ORC3: variants seen among roughly 807,000 people sequenced by gnomAD.
ORC3 encodes homolog of latheo, Drosophila.
In ORC3, 78 loss-of-function variants were observed where a neutral mutation model predicts 100.7. The ratio of observed to expected loss-of-function variants is 0.77; its 90% CI spans 0.65 to 0.94. The LOEUF (loss-of-function observed/expected upper bound fraction) is 0.94, where lower values mean the gene tolerates loss of function less well. Ranked by LOEUF, ORC3 falls within the 40% of genes least tolerant of loss-of-function variation. The probability of loss-of-function intolerance (pLI) is 0.00; values close to 1 mark genes in which losing one functional copy is unlikely to be tolerated. For synonymous variants in ORC3, 295 were observed against 289.3 expected (o/e 1.02, Z -0.20); for missense variants, 789 against 823.9 (o/e 0.96, Z 0.52).
At chr6:87,656,649 G>T (rs560548172) in intron 14 of ORC3, among the ~76,000 whole-genome samples, 4 of 152,012 alleles carry the variant, frequency 2.6e-5, no homozygotes, top group Non-Finnish European at 5.9e-5. Context: ...TTGTTAGGTT[G>T]TATTTTGTTT....
chr6:87,641,964 A>G (rs1768292896), intron 13 of ORC3, among the ~76,000 whole-genome samples: 1 of 152,192 alleles, frequency 6.6e-6, no homozygotes. Flanking sequence ...GATGATGTAG[A>G]TTTATCCATC....
chr6:87,648,292 T>G (rs777973735), intron 13 of ORC3, among the ~76,000 whole-genome samples: 69 of 152,254 alleles, frequency 4.5e-4, no homozygotes, highest in Non-Finnish European at 4.4e-4. Context: ...AGTATTTTTC[T>G]GATATTACCC....
At chr6:87,619,055 T>C (rs1298441561) in intron 9 of ORC3, among the ~76,000 whole-genome samples, 1 of 152,136 alleles carries the variant, frequency 6.6e-6, no homozygotes, top group Non-Finnish European at 1.5e-5. Flanking sequence ...AATAATGTTA[T>C]GAGGATGAAA....
chr6:87,604,428 T>C (rs1009098599), intron 4 of ORC3, among the ~76,000 whole-genome samples: 8 of 152,206 alleles, frequency 5.3e-5, no homozygotes, highest in African/African-American at 1.9e-4. Flanking sequence ...CTCAAGGGAA[T>C]GATTTTTATT....
intron 18 of ORC3, 62 bp from the exon 19 acceptor site, chr6:87,665,692 T>C (rs1770538593): frequency 1.1e-6 from 1 of 896,250 alleles, no homozygotes; most frequent in Non-Finnish European, 1.8e-6. Flanking sequence ...AAAAGAAGTA[T>C]AGTAAAAGAT....
At chr6:87,616,610 C>CTCA (rs2128259620) in intron 9 of ORC3, among the ~76,000 whole-genome samples, 183 bp downstream of exon 9, 1 of 152,242 alleles carries the variant, frequency 6.6e-6, no homozygotes, top group East Asian at 1.9e-4. Flanking sequence ...AGAGAATGCA[C>CTCA]TCATTAGGAT....
chr6:87,590,719 GAGT>G (rs1304004080), intron 1 of ORC3, among the ~76,000 whole-genome samples: 1 of 152,214 alleles, frequency 6.6e-6, no homozygotes, highest in Non-Finnish European at 1.5e-5. Flanking sequence ...CCTGAAAAAT[GAGT>G]AGAAGTTAGG....
intron 13 of ORC3, among the ~76,000 whole-genome samples, chr6:87,639,564 C>T (rs888613543): frequency 1.3e-5 from 2 of 152,042 alleles, no homozygotes; most frequent in Non-Finnish European, 2.9e-5. Context: ...AAGTAGCTGC[C>T]CCAGCCCCTC....
chr6:87,600,905 A>G (rs4707379), intron 2 of ORC3, among the ~76,000 whole-genome samples: 92,627 of 152,124 alleles, frequency 0.61, 29,032 homozygotes, highest in African/African-American at 0.75. Context: ...AGGTTATGAT[A>G]TAAAGTGTAT....
intron 11 of ORC3, among the ~76,000 whole-genome samples, chr6:87,624,259 G>T (rs764398634): frequency 6.6e-6 from 1 of 152,060 alleles, no homozygotes; most frequent in Non-Finnish European, 1.5e-5. Flanking sequence ...TGAGGTGGAC[G>T]GATCACTTGA....
At chr6:87,664,544 A>G (rs1770449781) in intron 17 of ORC3, among the ~76,000 whole-genome samples, 199 bp from the exon 18 acceptor site, 1 of 152,188 alleles carries the variant, frequency 6.6e-6, no homozygotes, top group African/African-American at 2.4e-5. Context: ...TCTAGTGACT[A>G]AGAACTAGAG....
At position 87,597,710 on chromosome 6, in the gene ORC3, C is replaced by CAT. The variant is rs1208375189; in HGVS notation, c.79+3313_79+3314dup. ...ACACACACACACACACACACACACA[C>CAT]ATATATATATAATTTTTTTTTAAAA... On this transcript the variant is annotated intron_variant, in intron 2 of 19. Coordinates refer to ENST00000392844, the MANE Select transcript of ORC3 (RefSeq NM_012381.4). Among the ~76,000 whole-genome samples, 75 of 140,694 alleles carry CAT rather than the reference C, an allele frequency of 5.3e-4. 1 individual carries two copies. Among genetic ancestry groups the CAT allele is most frequent in the Admixed American group, 2.2e-3 (31 of 13,946 alleles). 92.3% of individuals were successfully genotyped at this position (140,694 alleles called of 152,430 possible). A position where few individuals can be genotyped will look rare whatever the true frequency, so the allele number is the denominator to read the frequency against.
intron 5 of ORC3, among the ~76,000 whole-genome samples, 198 bp downstream of exon 5, chr6:87,606,219 C>T (rs1434648395): frequency 6.6e-6 from 1 of 152,112 alleles, no homozygotes; most frequent in African/African-American, 2.4e-5. Flanking sequence ...TGTCTTTGTT[C>T]TTGACCCATT....
chr6:87,629,901 TATGA>T (rs1767258347), intron 11 of ORC3, among the ~76,000 whole-genome samples: 1 of 152,162 alleles, frequency 6.6e-6, no homozygotes, highest in South Asian at 2.1e-4. Context: ...ATGATTTTTG[TATGA>T]ATAACAGACA....
intron 1 of ORC3, among the ~76,000 whole-genome samples, chr6:87,593,209 A>G (rs951640513): frequency 6.6e-6 from 1 of 152,260 alleles, no homozygotes; most frequent in Admixed American, 6.5e-5. Flanking sequence ...TGGTCAAACA[A>G]TAATATGAAA....
intron 3 of ORC3, among the ~76,000 whole-genome samples, chr6:87,602,621 T>A (rs1473468777): frequency 1.3e-5 from 2 of 152,262 alleles, no homozygotes; most frequent in Non-Finnish European, 1.5e-5. Context: ...GTATTCCATG[T>A]GATCCTTCAA....
chr6:87,641,718 C>T (rs1161629014), intron 13 of ORC3, among the ~76,000 whole-genome samples: 1 of 152,136 alleles, frequency 6.6e-6, no homozygotes. Context: ...AATATATTAG[C>T]AGGTCAGCTC....
chr6:87,640,936 C>T (rs1014863324), intron 13 of ORC3, among the ~76,000 whole-genome samples: 10 of 151,980 alleles, frequency 6.6e-5, no homozygotes, highest in Non-Finnish European at 1.2e-4. Context: ...GGTGAAACCC[C>T]GTCTCTACTA....
downstream of ORC3, among the ~76,000 whole-genome samples, chr6:87,669,158 A>AAAAAC (rs1171229110): frequency 2.3e-4 from 35 of 152,316 alleles, no homozygotes; most frequent in African/African-American, 6.7e-4. Flanking sequence ...ACTCCGTCTC[A>AAAAAC]AAAACAAAAC....
Sources: gnomAD v4.1 joint callset for allele counts (sites outside exome capture counted in the v4.1 genomes callset) on GRCh38, gnomAD v4.1.1 for gene constraint, MANE v1.5 for transcripts, NCBI Gene and HGNC (gene_info 2026-07-23, HGNC 2026-07-21) for gene names.